Variants in GDF7 observed in about 807,000 individuals in gnomAD.
GDF7 encodes the protein growth differentiation factor 7.
GDF7 carries 12 observed loss-of-function variants against 13.4 expected under a neutral mutation model. That is an observed-to-expected ratio of 0.90 (90% CI 0.57 to 1.45). GDF7 has a LOEUF of 1.45. Ranked by LOEUF, GDF7 falls within the 40% of genes most tolerant of loss-of-function variation. GDF7 has a pLI of 0.00. For synonymous variants in GDF7, 330 were observed against 306.4 expected, an observed-to-expected ratio of 1.08 and a Z score of -0.80; for missense variants, 651 against 652.4, an observed-to-expected ratio of 1.00 and a Z score of 0.02.
At chr2:20,668,029 G>A (rs2149310425) in intron 1 of GDF7, among the ~76,000 whole-genome samples, 1 of 152,384 alleles carries the variant, frequency 6.6e-6, no homozygotes, top group Non-Finnish European at 1.5e-5. Flanking sequence ...CTGCACGGTG[G>A]TGAGGGTGAT....
In GDF7 at chr2:20,667,470, G is replaced by C; in HGVS notation, c.231G>C (p.Ala77=). 1 of 1,238,592 alleles carries C rather than the reference G, an allele frequency of 8.1e-7. No homozygotes were observed. Among genetic ancestry groups the C allele is most frequent in the Non-Finnish European group, 1.0e-6 (1 of 990,058 alleles). 76.7% of individuals were successfully genotyped at this position (1,238,592 alleles called of 1,614,324 possible). The part of the protein sequence containing the change: ...VPRARAARRA[A]GSGFRNGSVV... ...GGGCCCGCGCCGCGCGCCGCGCCGCGGGCTCCGGCTTCAGGAACGGCTCGG... is the reference window on the plus strand; with the variant it reads ...GGGCCCGCGCCGCGCGCCGCGCCGCCGGCTCCGGCTTCAGGAACGGCTCGG... The change falls in exon 1 of 2, where the codon GCG becomes GCC. Residue 77 remains alanine (A), a synonymous_variant. Transcript: ENST00000272224. The surrounding 1 kb of genome is among the most constrained non-coding windows in gnomAD (Gnocchi z 6.4).
intron 1 of GDF7, among the ~76,000 whole-genome samples, chr2:20,669,792 G>C (rs1311289017): frequency 1.3e-5 from 2 of 152,236 alleles, no homozygotes. Context: ...GTTCCCCTTC[G>C]GCAGAGCGAA....
Position 20,671,028 on chromosome 2 carries a change from G to A in GDF7, c.956G>A (p.Arg319Gln), listed in dbSNP as rs773497984. The A allele has an allele frequency of 3.3e-6, 5 of 1,526,634 alleles. No homozygotes were observed. The South Asian group carries it at 3.7e-5, about 11-fold the overall frequency. 94.6% of individuals were successfully genotyped at this position (1,526,634 alleles called of 1,614,324 possible). The change falls in exon 2 of 2, where the codon CGG becomes CAG. Residue 319 changes from arginine to glutamine, a missense_variant. Transcript: ENST00000272224. ...AGGGCAGTCATTGGCGGCCGCAGAC[G>A]GAGGAGGACGGCGTTGGCCGGGACG... ...SPRAVIGGRR[R>Q]RRTALAGTRT...
Position 20,667,298 on chromosome 2 carries a change from G to A in GDF7, c.59G>A (p.Arg20His). Reference sequence around the variant, plus strand: ...TGGCTGCTGAGCGCCTGCCGCCCCCGCGACGGGCTGGAAGCGGCCGCCGTG... The same window carrying A: ...TGGCTGCTGAGCGCCTGCCGCCCCCACGACGGGCTGGAAGCGGCCGCCGTG... Reference protein sequence around the residue: ...CLWLLSACRPRDGLEAAAVLR... With the variant: ...CLWLLSACRPHDGLEAAAVLR... The change falls in exon 1 of 2, where the codon CGC (arginine) becomes CAC (histidine). Residue 20 changes from arginine to histidine, a missense_variant. Physicochemically the swap from Arg to His is conservative, Grantham distance 29. Coordinates refer to ENST00000272224, the MANE Select transcript of GDF7 (RefSeq NM_182828.4). The surrounding 1 kb of genome is among the most constrained non-coding windows in gnomAD (Gnocchi z 6.4). 8.4e-7 allele frequency: 1 copy of A among 1,189,712 alleles called. No homozygotes were observed. The highest frequency in any genetic ancestry group is 1.0e-6 in the Non-Finnish European group (1 of 953,466). The allele number at this position is 1,189,712 out of a possible 1,614,324, so 73.7% of individuals were successfully genotyped here.
At position 20,672,809 on chromosome 2, in the gene GDF7, T is replaced by C. The variant is rs1049376704; in HGVS notation, c.*1384T>C. 1 of 152,206 alleles carries C rather than the reference T, an allele frequency of 6.6e-6. No homozygotes were observed. The highest frequency in any genetic ancestry group is 1.5e-5 in the Non-Finnish European group (1 of 68,036). 9.4% of individuals were successfully genotyped at this position (152,206 alleles called of 1,614,324 possible). ...ATTTGGCCCCAAAGGGTCTTATTGA[T>C]GGGAGGATTTTCTAGGCATGTAAAA... is the stretch of plus-strand genomic sequence containing the variant. On this transcript the variant is annotated 3_prime_UTR_variant, in exon 2 of 2. Transcript: ENST00000272224.
chr2:20,676,635 G>C lies in GDF7; in HGVS notation c.*5210G>C, dbSNP rs113750047. 3.3e-5 allele frequency: 5 copies of C among 152,220 alleles called. No homozygotes were observed. The highest frequency in any genetic ancestry group is 3.3e-4 in the Admixed American group (5 of 15,284). The allele number at this position is 152,220 out of a possible 1,614,324, so 9.4% of individuals were successfully genotyped here. A position where few individuals can be genotyped will look rare whatever the true frequency, so the allele number is the denominator to read the frequency against. On this transcript the variant is annotated 3_prime_UTR_variant, in exon 2 of 2. Coordinates refer to ENST00000272224, the MANE Select transcript of GDF7 (RefSeq NM_182828.4). Reference sequence around the variant, plus strand: ...GCCTAGAAGTTGCCGCGTGAGCTCTGATCATCATTAGGGGTGCTGTCTGCC... The same window carrying C: ...GCCTAGAAGTTGCCGCGTGAGCTCTCATCATCATTAGGGGTGCTGTCTGCC...
rs968234745 is a variant in GDF7, at chr2:20,677,859, C to G, written c.*6434C>G. ...GTGAATGAGTCTGAAAAGCAGTGACCAGGTGTGTTGAGGGCCTCCCCTTGC... is the reference window on the plus strand; with the variant it reads ...GTGAATGAGTCTGAAAAGCAGTGACGAGGTGTGTTGAGGGCCTCCCCTTGC... On this transcript the variant is annotated 3_prime_UTR_variant, in exon 2 of 2. Coordinates refer to ENST00000272224, the MANE Select transcript of GDF7 (RefSeq NM_182828.4). 2.0e-5 allele frequency: 3 copies of G among 152,416 alleles called. No individual in the cohort carries two copies. The highest frequency in any genetic ancestry group is 3.8e-4 in the East Asian group (2 of 5,204). 9.4% of individuals were successfully genotyped at this position (152,416 alleles called of 1,614,324 possible). A position where few individuals can be genotyped will look rare whatever the true frequency, so the allele number is the denominator to read the frequency against.
In GDF7 at chr2:20,673,630, A is replaced by T. The variant is rs1046635326; in HGVS notation, c.*2205A>T. The T allele has an allele frequency of 6.6e-6, 1 of 152,230 alleles. No individual in the cohort carries two copies. The highest frequency in any genetic ancestry group is 2.4e-5 in the African/African-American group (1 of 41,462). The allele number at this position is 152,230 out of a possible 1,614,324, so 9.4% of individuals were successfully genotyped here. A position where few individuals can be genotyped will look rare whatever the true frequency, so the allele number is the denominator to read the frequency against. ...AAAGCAAACATTTTGATACTTTTTT[A>T]GTGACTAGTAAAAACAATTTTTTGG... On this transcript the variant is annotated 3_prime_UTR_variant, in exon 2 of 2. Transcript: ENST00000272224.
chr2:20,668,936 G>A (rs1572378970), intron 1 of GDF7, among the ~76,000 whole-genome samples: 1 of 152,218 alleles, frequency 6.6e-6, no homozygotes, highest in Non-Finnish European at 1.5e-5. Flanking sequence ...TGCAGGAGAA[G>A]GGGGGTGTGC....
chr2:20,675,219 A>G lies in GDF7; in HGVS notation c.*3794A>G, dbSNP rs980526579. 6.6e-6 allele frequency: 1 copy of G among 152,260 alleles called. No individual in the cohort carries two copies. The highest frequency in any genetic ancestry group is 2.4e-5 in the African/African-American group (1 of 41,444). The allele number at this position is 152,260 out of a possible 1,614,324, so 9.4% of individuals were successfully genotyped here. Reference sequence around the variant, plus strand: ...ACTGGCCCTCAGTGGGCCATAGGCCAAGAGGTCTGAGTCAGATCGCGCAGT... The same window carrying G: ...ACTGGCCCTCAGTGGGCCATAGGCCGAGAGGTCTGAGTCAGATCGCGCAGT... On this transcript the variant is annotated 3_prime_UTR_variant, in exon 2 of 2. Coordinates refer to ENST00000272224, the MANE Select transcript of GDF7 (RefSeq NM_182828.4).
rs1362837155 is a variant in GDF7, at chr2:20,671,236, G to T, written c.1164G>T (p.Ser388=). 1 of 1,613,954 alleles carries T rather than the reference G, an allele frequency of 6.2e-7. No homozygotes were observed. The highest frequency in any genetic ancestry group is 1.6e-4 in the Middle Eastern group (1 of 6,062). ...GCCTTTGCGACTTCCCTTTGCGTTC[G>T]CACCTCGAGCCCACCAACCATGCCA... ...CEGLCDFPLR[S]HLEPTNHAII... The change falls in exon 2 of 2, where the codon TCG becomes TCT. Residue 388 remains serine, a synonymous_variant. Transcript: ENST00000272224.
chr2:20,669,195 C>G (rs1662052093), intron 1 of GDF7, among the ~76,000 whole-genome samples: 1 of 152,156 alleles, frequency 6.6e-6, no homozygotes, highest in East Asian at 1.9e-4. Flanking sequence ...CTCCGGCCTC[C>G]CTCTCCACCC....
chr2:20,679,068 T>G lies in GDF7; in HGVS notation c.*7643T>G, dbSNP rs969909530. 6.6e-6 allele frequency: 1 copy of G among 152,228 alleles called. No homozygotes were observed. Among genetic ancestry groups the G allele is most frequent in the African/African-American group, 2.4e-5 (1 of 41,458 alleles). The allele number at this position is 152,228 out of a possible 1,614,324, so 9.4% of individuals were successfully genotyped here. A position where few individuals can be genotyped will look rare whatever the true frequency, so the allele number is the denominator to read the frequency against. The stretch of plus-strand genomic sequence containing the variant: ...TGGTAGAAACCTATGTGTATATATA[T>G]TCTCAAATTTAAATAGATTGTACAT... On this transcript the variant is annotated 3_prime_UTR_variant, in exon 2 of 2. Transcript: ENST00000272224.
At chr2:20,669,329 G>C (rs969686807) in intron 1 of GDF7, among the ~76,000 whole-genome samples, 13 of 152,144 alleles carry the variant, frequency 8.5e-5, no homozygotes, top group African/African-American at 2.7e-4. Flanking sequence ...GTGGTGGGGG[G>C]ATTCTGCATA....
rs1662229282 is a variant in GDF7 at position 20,676,804 on chromosome 2, T to C, written c.*5379T>C. On this transcript the variant is annotated 3_prime_UTR_variant, in exon 2 of 2. Coordinates refer to ENST00000272224, the MANE Select transcript of GDF7 (RefSeq NM_182828.4). Reference sequence around the variant, plus strand: ...AGAGCAACCCAGGATGGGTGGTCATTGAAAAATGGGTGTGAAGTCACTGAA... The same window carrying C: ...AGAGCAACCCAGGATGGGTGGTCATCGAAAAATGGGTGTGAAGTCACTGAA... The C allele has an allele frequency of 6.6e-6, 1 of 152,224 alleles. No individual in the cohort carries two copies. Among genetic ancestry groups the C allele is most frequent in the Non-Finnish European group, 1.5e-5 (1 of 68,054 alleles). 9.4% of individuals were successfully genotyped at this position (152,224 alleles called of 1,614,324 possible). A position where few individuals can be genotyped will look rare whatever the true frequency, so the allele number is the denominator to read the frequency against.
chr2:20,670,240 C>T (rs1253255127), intron 1 of GDF7, among the ~76,000 whole-genome samples: 1 of 152,180 alleles, frequency 6.6e-6, no homozygotes, highest in Admixed American at 6.5e-5. Flanking sequence ...CTTGCTAAAC[C>T]AAAGCTCGGT....
rs1027083654 is a variant in GDF7, at chr2:20,673,697, A to G, written c.*2272A>G. On this transcript the variant is annotated 3_prime_UTR_variant, in exon 2 of 2. Transcript: ENST00000272224. ...TTAGCCTGGCCTTTTTATAGTAGGGAAAAAAACTGTCAATTTCCCCTCTTT... is the reference window on the plus strand; with the variant it reads ...TTAGCCTGGCCTTTTTATAGTAGGGGAAAAAACTGTCAATTTCCCCTCTTT... 4 of 151,668 alleles carry G rather than the reference A, an allele frequency of 2.6e-5. No homozygotes were observed. Among genetic ancestry groups the G allele is most frequent in the South Asian group, 2.1e-4 (1 of 4,824 alleles). The allele number at this position is 151,668 out of a possible 1,614,324, so 9.4% of individuals were successfully genotyped here.
rs775268097 is a variant in GDF7, at chr2:20,670,836, C to A, written c.764C>A (p.Pro255Gln). The A allele has an allele frequency of 1.3e-6, 2 of 1,494,222 alleles. No homozygotes were observed. Among genetic ancestry groups the A allele is most frequent in the Non-Finnish European group, 8.9e-7 (1 of 1,128,542 alleles). 92.6% of individuals were successfully genotyped at this position (1,494,222 alleles called of 1,614,324 possible). Residue 255 changes from proline (P) to glutamine (Q), a missense_variant, in exon 2 of 2, where the codon CCG (proline) becomes CAG (glutamine). Physicochemically the swap from Pro to Gln is moderately conservative, Grantham distance 76. Transcript: ENST00000272224. ...LALRRLGFGW[P>Q]GGGGSAAEER... ...CTGCGGCGGCTGGGCTTCGGCTGGC[C>A]GGGCGGAGGGGGCTCTGCGGCAGAG...
chr2:20,667,638 C>A lies in GDF7; in HGVS notation c.391+8C>A. On this transcript the variant is annotated splice_region_variant and intron_variant, in intron 1 of 1. Transcript: ENST00000272224. This position sits in a 1 kb window ranked among gnomAD's most constrained non-coding sequence, Gnocchi z 6.4. ...CAGACCAGGCGACCCAAGGTACTTA[C>A]GCCTCTTCTGTGCCCGCCCATCCCG... 6.9e-7 allele frequency: 1 copy of A among 1,457,924 alleles called. No individual in the cohort carries two copies. 90.3% of individuals were successfully genotyped at this position (1,457,924 alleles called of 1,614,324 possible).
Sources: allele counts gnomAD v4.1 joint callset (sites outside exome capture counted in the v4.1 genomes callset), GRCh38; gene constraint gnomAD v4.1.1; non-coding constraint Gnocchi (gnomAD v3.1); transcripts MANE v1.5; gene names NCBI Gene and HGNC (gene_info 2026-07-23, HGNC 2026-07-21).